The following GPC5 variants were observed in gnomAD, a reference collection of about 807,000 sequenced individuals.
The protein encoded by GPC5 is glypican-5.
Under a neutral mutation model 53.9 loss-of-function variants are expected in GPC5, and 47 were observed. The ratio of observed to expected loss-of-function variants is 0.87; its 90% CI spans 0.69 to 1.11. The LOEUF (loss-of-function observed/expected upper bound fraction) is 1.11. Ranked by LOEUF, GPC5 falls within the 50% of genes most tolerant of loss-of-function variation. The pLI is 0.00. For synonymous variants in GPC5, 286 were observed against 263.3 expected (o/e 1.09, Z -0.84); for missense variants, 748 against 713.1 (o/e 1.05, Z -0.56).
At chr13:91,497,681 C>A (rs141280602) in intron 2 of GPC5, among the ~76,000 whole-genome samples, 240 of 152,264 alleles carry the variant, frequency 1.6e-3, no homozygotes, top group African/African-American at 5.4e-3. Context: ...GGGAATGTTG[C>A]CCTCTAAGGA....
chr13:91,509,852 A>T (rs951562094), intron 2 of GPC5, among the ~76,000 whole-genome samples: 2 of 152,118 alleles, frequency 1.3e-5, no homozygotes, highest in African/African-American at 4.8e-5. Context: ...AGTACACAAG[A>T]TTACTCTTTA....
At chr13:92,450,018 A>T (rs1268194103) in intron 7 of GPC5, among the ~76,000 whole-genome samples, 1 of 152,198 alleles carries the variant, frequency 6.6e-6, no homozygotes, top group East Asian at 1.9e-4. Context: ...GAATAGAAAG[A>T]CCTGTATGTC....
At chr13:91,428,515 G>A (rs1310557479) in intron 1 of GPC5, among the ~76,000 whole-genome samples, 3 of 152,148 alleles carry the variant, frequency 2.0e-5, no homozygotes, top group African/African-American at 4.8e-5. Context: ...TGCACCAAAT[G>A]AAAATGGAAG....
chr13:92,259,442 C>A (rs1185684778), intron 7 of GPC5, among the ~76,000 whole-genome samples: 1 of 152,116 alleles, frequency 6.6e-6, no homozygotes, highest in Non-Finnish European at 1.5e-5. Context: ...CTCCCCTACT[C>A]CTGATTGAAA....
chr13:92,448,466 A>G (rs937173741), intron 7 of GPC5: 11 of 152,162 alleles, frequency 7.2e-5, no homozygotes, highest in Non-Finnish European at 7.4e-5. Context: ...TTGGTATCAG[A>G]TACATGAAAT....
chr13:92,820,870 A>G (rs1877651373), intron 7 of GPC5, among the ~76,000 whole-genome samples: 1 of 152,150 alleles, frequency 6.6e-6, no homozygotes, highest in Non-Finnish European at 1.5e-5. Context: ...CTTTCCTATT[A>G]ATTATCATCA....
chr13:92,615,940 G>C (rs1280490031), intron 7 of GPC5, among the ~76,000 whole-genome samples: 1 of 152,160 alleles, frequency 6.6e-6, no homozygotes, highest in Non-Finnish European at 1.5e-5. Context: ...TGTAGTCCCA[G>C]CTACTTGGGA....
chr13:91,846,564 G>A (rs751019962), intron 5 of GPC5, among the ~76,000 whole-genome samples: 1 of 151,874 alleles, frequency 6.6e-6, no homozygotes, highest in African/African-American at 2.4e-5. Flanking sequence ...CAAGTTCACC[G>A]AGAGAAGTAA....
At chr13:92,416,966 A>C (rs1343475592) in intron 7 of GPC5, among the ~76,000 whole-genome samples, 3 of 152,210 alleles carry the variant, frequency 2.0e-5, no homozygotes, top group African/African-American at 7.2e-5. Context: ...AGGCACTTTA[A>C]CTTATATTTT....
intron 7 of GPC5, among the ~76,000 whole-genome samples, chr13:92,756,686 AACAG>A (rs1874891998): frequency 1.4e-5 from 2 of 140,372 alleles, no homozygotes; most frequent in Admixed American, 7.4e-5. Context: ...ATACACCAAC[AACAG>A]ACAAACAGAG....
At chr13:92,850,571 C>G (rs1488989937) in intron 7 of GPC5, among the ~76,000 whole-genome samples, 3 of 151,974 alleles carry the variant, frequency 2.0e-5, no homozygotes, top group Non-Finnish European at 2.9e-5. Context: ...TGCACTCCAG[C>G]CTAGGCAACA....
chr13:92,746,943 T>C (rs989927037), intron 7 of GPC5, among the ~76,000 whole-genome samples: 10 of 152,098 alleles, frequency 6.6e-5, no homozygotes, highest in African/African-American at 2.4e-4. Flanking sequence ...CACACTTAAG[T>C]ATATGGTATA....
intron 2 of GPC5, among the ~76,000 whole-genome samples, chr13:91,680,957 G>T (rs1228222269): frequency 6.6e-6 from 1 of 151,430 alleles, no homozygotes; most frequent in Non-Finnish European, 1.5e-5. Flanking sequence ...GTTTATTATG[G>T]TTCTCTTAAT....
chr13:91,448,715 T>C, intron 1 of GPC5, 46 bp from the exon 2 acceptor site: 2 of 1,591,370 alleles, frequency 1.3e-6, no homozygotes, highest in South Asian at 2.3e-5. Flanking sequence ...ATGTAATACT[T>C]GTTAAATGAA....
At chr13:92,310,804 G>C (rs2043140395) in intron 7 of GPC5, among the ~76,000 whole-genome samples, 1 of 152,046 alleles carries the variant, frequency 6.6e-6, no homozygotes, top group African/African-American at 2.4e-5. Context: ...CTTACACTCG[G>C]TAAACAAATA....
At chr13:92,597,135 C>T (rs1883907667) in intron 7 of GPC5, among the ~76,000 whole-genome samples, 1 of 152,202 alleles carries the variant, frequency 6.6e-6, no homozygotes. Flanking sequence ...ATTTAACATG[C>T]ATTGTCAGGT....
intron 5 of GPC5, among the ~76,000 whole-genome samples, chr13:91,869,625 C>G (rs1302843041): frequency 6.6e-6 from 1 of 151,976 alleles, no homozygotes; most frequent in Non-Finnish European, 1.5e-5. Flanking sequence ...CAATGAAATC[C>G]AAGTGCTTAT....
chr13:91,599,238 G>A (rs1035571660), intron 2 of GPC5, among the ~76,000 whole-genome samples: 1 of 151,974 alleles, frequency 6.6e-6, no homozygotes, highest in African/African-American at 2.4e-5. Flanking sequence ...GATGGAACTT[G>A]TTTTCTCATT....
intron 7 of GPC5, among the ~76,000 whole-genome samples, chr13:92,561,561 T>A (rs534956093): frequency 1.3e-5 from 2 of 152,182 alleles, no homozygotes; most frequent in African/African-American, 4.8e-5. Context: ...ACTATACAAA[T>A]GTCATTTATT....
Sources: gnomAD v4.1 joint callset for allele counts (sites outside exome capture counted in the v4.1 genomes callset) on GRCh38, gnomAD v4.1.1 for gene constraint, MANE v1.5 for transcripts, NCBI Gene and HGNC (gene_info 2026-07-23, HGNC 2026-07-21) for gene names.